The following OTULINL variants were observed in gnomAD, a reference collection of about 807,000 sequenced individuals.
OTULINL encodes OTU deubiquitinase with linear linkage specificity like.
In OTULINL, 42 loss-of-function variants were observed where a neutral mutation model predicts 43.9. The ratio of observed to expected loss-of-function variants is 0.96; its 90% CI spans 0.75 to 1.24. The LOEUF is 1.24. Among genes scored for constraint, OTULINL ranks in the 50% most tolerant of loss-of-function variants. OTULINL has a pLI of 0.00. For missense variants in OTULINL, 411 were observed against 426.4 expected, an observed-to-expected ratio of 0.96 and a Z score of 0.32; for synonymous variants, 172 against 153.6, an observed-to-expected ratio of 1.12 and a Z score of -0.88.
In OTULINL at chr5:14,615,370, C is replaced by A. The variant is rs1207874031; in HGVS notation, c.*5056C>A. Among the ~76,000 whole-genome samples, 2 of 140,600 alleles carry A rather than the reference C, an allele frequency of 1.4e-5. No individual in the cohort carries two copies. The highest frequency in any genetic ancestry group is 1.5e-4 in the Admixed American group (2 of 13,352). 92.2% of individuals were successfully genotyped at this position (140,600 alleles called of 152,430 possible). A position where few individuals can be genotyped will look rare whatever the true frequency, so the allele number is the denominator to read the frequency against. ...GCCTCCCAGCATGTACCTGGACTTC[C>A]TTTGGGTGCCGGCTTTTCTGCTGGA... is the stretch of plus-strand genomic sequence containing the variant. On this transcript the variant is annotated 3_prime_UTR_variant, in exon 8 of 8. Coordinates refer to ENST00000274217, the MANE Select transcript of OTULINL (RefSeq NM_019018.3).
Position 14,615,025 on chromosome 5 carries a change from A to T in OTULINL, c.*4711A>T, listed in dbSNP as rs1171119542. The T allele has an allele frequency of 3.1e-6, 1 of 325,214 alleles. No homozygotes were observed. The highest frequency in any genetic ancestry group is 5.5e-6 in the Non-Finnish European group (1 of 180,486). The allele number at this position is 325,214 out of a possible 1,614,324, so 20.1% of individuals were successfully genotyped here. A position where few individuals can be genotyped will look rare whatever the true frequency, so the allele number is the denominator to read the frequency against. On this transcript the variant is annotated 3_prime_UTR_variant, in exon 8 of 8. Coordinates refer to ENST00000274217, the MANE Select transcript of OTULINL (RefSeq NM_019018.3). ...TTTAAGTATTTTCATCGTAGTCTAGATGGGCTGTAAAACCCATTTCCACAC... is the reference window on the plus strand; with the variant it reads ...TTTAAGTATTTTCATCGTAGTCTAGTTGGGCTGTAAAACCCATTTCCACAC...
chr5:14,585,731 G>A (rs1045781632), intron 1 of OTULINL, among the ~76,000 whole-genome samples: 15 of 152,212 alleles, frequency 9.9e-5, no homozygotes, highest in South Asian at 4.1e-4. Flanking sequence ...CGCTCACAAC[G>A]GCTGCAGAAT....
At chr5:14,601,272 T>C (rs1759384525) in intron 3 of OTULINL, 28 bp downstream of exon 3, 2 of 1,609,702 alleles carry the variant, frequency 1.2e-6, no homozygotes, top group Non-Finnish European at 8.5e-7. Flanking sequence ...TTTATTTCTT[T>C]ATTTTTAAGG....
At chr5:14,589,272 G>A (rs1759158186) in intron 1 of OTULINL, among the ~76,000 whole-genome samples, 1 of 152,220 alleles carries the variant, frequency 6.6e-6, no homozygotes, top group Admixed American at 6.5e-5. Flanking sequence ...AAGCCTGGAG[G>A]TTGGAAACAG....
intron 1 of OTULINL, among the ~76,000 whole-genome samples, chr5:14,588,255 G>T (rs1258084740): frequency 6.6e-6 from 1 of 152,066 alleles, no homozygotes; most frequent in Non-Finnish European, 1.5e-5. Flanking sequence ...TTAAAATAAG[G>T]AGGCCTTTGG....
chr5:14,591,565 CGGT>C (rs1324024601), intron 1 of OTULINL, among the ~76,000 whole-genome samples: 1 of 152,118 alleles, frequency 6.6e-6, no homozygotes, highest in Non-Finnish European at 1.5e-5. Context: ...GGAGTAAAGG[CGGT>C]AGTAGGGGAG....
At chr5:14,600,253 G>A (rs1759362320) in intron 1 of OTULINL, among the ~76,000 whole-genome samples, 1 of 152,190 alleles carries the variant, frequency 6.6e-6, no homozygotes, top group Non-Finnish European at 1.5e-5. Context: ...GCCATATGAA[G>A]AAGGATGTGT....
At chr5:14,610,091 C>A in intron 7 of OTULINL, 50 bp from the exon 8 acceptor site, 1 of 1,538,596 alleles carries the variant, frequency 6.5e-7, no homozygotes. Context: ...TGGCGGGAGG[C>A]AGGAATTTGC....
Position 14,613,214 on chromosome 5 carries a change from G to T in OTULINL, c.*2900G>T, listed in dbSNP as rs994372847. On this transcript the variant is annotated 3_prime_UTR_variant, in exon 8 of 8. Coordinates refer to ENST00000274217, the MANE Select transcript of OTULINL (RefSeq NM_019018.3). ...TGGGATTACGGGTGTGAGCCACTGC[G>T]CCCGGCCCTAACAATTTTTAAGTGA... 6.6e-6 allele frequency among the ~76,000 whole-genome samples: 1 copy of T among 152,108 alleles called. No individual in the cohort carries two copies. Among genetic ancestry groups the T allele is most frequent in the African/African-American group, 2.4e-5 (1 of 41,430 alleles).
chr5:14,604,769 C>T (rs550107194), intron 5 of OTULINL, among the ~76,000 whole-genome samples: 105 of 152,336 alleles, frequency 6.9e-4, no homozygotes, highest in South Asian at 1.9e-3. Flanking sequence ...TGATCTCCTT[C>T]GATTCTGTCT....
At position 14,611,884 on chromosome 5, in the gene OTULINL, A is replaced by G. The variant is rs941662181; in HGVS notation, c.*1570A>G. On this transcript the variant is annotated 3_prime_UTR_variant, in exon 8 of 8. Transcript: ENST00000274217. Reference sequence around the variant, plus strand: ...GATGTTCATATTATTTCTGCAATAAATTAAAAGGGAGTGTGTCAAATGCTG... The same window carrying G: ...GATGTTCATATTATTTCTGCAATAAGTTAAAAGGGAGTGTGTCAAATGCTG... The G allele has an allele frequency of 3.3e-5, 5 of 152,212 alleles. No homozygotes were observed. The highest frequency in any genetic ancestry group is 2.6e-4 in the Admixed American group (4 of 15,288). The allele number at this position is 152,212 out of a possible 1,614,324, so 9.4% of individuals were successfully genotyped here.
intron 7 of OTULINL, 120 bp downstream of exon 7, chr5:14,609,137 T>C (rs1199516910): frequency 1.1e-5 from 11 of 993,968 alleles, no homozygotes; most frequent in Middle Eastern, 2.2e-4. Context: ...AGGTGGTTGA[T>C]TGATATTATC....
At chr5:14,603,333 A>AT (rs1486308184) in intron 5 of OTULINL, among the ~76,000 whole-genome samples, 1 of 152,224 alleles carries the variant, frequency 6.6e-6, no homozygotes, top group East Asian at 1.9e-4. Flanking sequence ...TATTGAGGGG[A>AT]TAAGTAGCTA....
intron 5 of OTULINL, among the ~76,000 whole-genome samples, chr5:14,604,770 G>A (rs1018928634): frequency 6.6e-6 from 1 of 152,184 alleles, no homozygotes; most frequent in Admixed American, 6.5e-5. Flanking sequence ...GATCTCCTTC[G>A]ATTCTGTCTC....
rs1759598638 is a variant in OTULINL at position 14,612,494 on chromosome 5, G to GT, written c.*2181dup. 1 of 152,210 alleles carries GT rather than the reference G, an allele frequency of 6.6e-6. No individual in the cohort carries two copies. The highest frequency in any genetic ancestry group is 1.9e-4 in the East Asian group (1 of 5,200). 9.4% of individuals were successfully genotyped at this position (152,210 alleles called of 1,614,324 possible). A position where few individuals can be genotyped will look rare whatever the true frequency, so the allele number is the denominator to read the frequency against. ...CGAGAAAGATTTCAATCCAGTGAAA[G>GT]TAAAAAGTAAGAAGACATTTAGATA... On this transcript the variant is annotated 3_prime_UTR_variant, in exon 8 of 8. Transcript: ENST00000274217.
Position 14,615,066 on chromosome 5 carries a change from A to G in OTULINL, c.*4752A>G, listed in dbSNP as rs1759648054. On this transcript the variant is annotated 3_prime_UTR_variant, in exon 8 of 8. Coordinates refer to ENST00000274217, the MANE Select transcript of OTULINL (RefSeq NM_019018.3). ...ATTTCCACACGAGTATAAATTTAAA[A>G]CAGAAACATCAAGGTGTCAGCAATC... is the stretch of plus-strand genomic sequence containing the variant. The G allele has an allele frequency of 3.9e-6, 1 of 254,882 alleles. No homozygotes were observed. Among genetic ancestry groups the G allele is most frequent in the South Asian group, 1.7e-4 (1 of 5,820 alleles). 15.8% of individuals were successfully genotyped at this position (254,882 alleles called of 1,614,324 possible).
Position 14,614,623 on chromosome 5 carries a change from C to A in OTULINL, c.*4309C>A. Reference sequence around the variant, plus strand: ...GAAAAACACTCACTCACGTATTCAGCCACGTATGGTCTGGAGTGCTCTGTA... The same window carrying A: ...GAAAAACACTCACTCACGTATTCAGACACGTATGGTCTGGAGTGCTCTGTA... On this transcript the variant is annotated 3_prime_UTR_variant, in exon 8 of 8. Transcript: ENST00000274217. The A allele has an allele frequency of 7.5e-6, 3 of 398,618 alleles. No individual in the cohort carries two copies. Among genetic ancestry groups the A allele is most frequent in the Non-Finnish European group, 1.3e-5 (3 of 226,066 alleles). 24.7% of individuals were successfully genotyped at this position (398,618 alleles called of 1,614,324 possible).
In OTULINL at chr5:14,602,285, C is replaced by A; in HGVS notation, c.451C>A (p.Gln151Lys). 6.2e-7 allele frequency: 1 copy of A among 1,613,756 alleles called. No individual in the cohort carries two copies. The highest frequency in any genetic ancestry group is 8.5e-7 in the Non-Finnish European group (1 of 1,179,792). Residue 151 changes from glutamine to lysine, a missense_variant, in exon 5 of 8, where the codon CAG becomes AAG. Transcript: ENST00000274217. ...LRSVLFQIFS[Q>K]GISFPSWMKE... Reference sequence around the variant, plus strand: ...ATCAGTGTTATTTCAGATATTCAGCCAGGGCATCTCTTTTCCATCATGGAT... The same window carrying A: ...ATCAGTGTTATTTCAGATATTCAGCAAGGGCATCTCTTTTCCATCATGGAT...
In OTULINL at chr5:14,602,335, A is replaced by G. The variant is rs1257578480; in HGVS notation, c.498+3A>G. On this transcript the variant is annotated splice_donor_region_variant and intron_variant, in intron 5 of 7. Coordinates refer to ENST00000274217, the MANE Select transcript of OTULINL (RefSeq NM_019018.3). ...TGAAAGAAAAGGACATTGTTAAGGT[A>G]TGTCTTCCCCCTGGAAATGTGGGAA... The G allele has an allele frequency of 1.2e-6, 2 of 1,611,486 alleles. No individual in the cohort carries two copies. Among genetic ancestry groups the G allele is most frequent in the Admixed American group, 3.4e-5 (2 of 59,538 alleles).
Sources: gnomAD v4.1 joint callset for allele counts (sites outside exome capture counted in the v4.1 genomes callset) on GRCh38, gnomAD v4.1.1 for gene constraint, MANE v1.5 for transcripts, NCBI Gene and HGNC (gene_info 2026-07-23, HGNC 2026-07-21) for gene names.